The following CXorf58 variants were observed in gnomAD, a reference collection of about 807,000 sequenced individuals.
The protein encoded by CXorf58 is chromosome X open reading frame 58, also known as uncharacterized protein CXorf58.
CXorf58 carries 24 observed loss-of-function variants against 26.0 expected under a neutral mutation model. That is an observed-to-expected ratio of 0.92 (90% CI 0.67 to 1.30). The LOEUF is 1.30. CXorf58 is among the 50% of genes most tolerant of loss of function. CXorf58 has a pLI of 0.00. For missense variants in CXorf58, 236 were observed against 263.9 expected, an observed-to-expected ratio of 0.89 and a Z score of 0.73; for synonymous variants, 87 against 86.1, an observed-to-expected ratio of 1.01 and a Z score of -0.06.
chrX:23,921,953 T>C (rs779180131), intron 5 of CXorf58, among the ~76,000 whole-genome samples: 6 of 110,489 alleles, frequency 5.4e-5, no homozygotes, highest in Non-Finnish European at 1.1e-4. Flanking sequence ...TCTGCCCACT[T>C]CCGCCTCCCA....
At chrX:23,922,597 A>G (rs182758124) in intron 5 of CXorf58, among the ~76,000 whole-genome samples, 1 of 111,948 alleles carries the variant, frequency 8.9e-6, no homozygotes, top group Non-Finnish European at 1.9e-5. Context: ...CATTTTCCCT[A>G]TTAGGAAGCT....
At chrX:23,927,473 C>A in intron 6 of CXorf58, 103 bp downstream of exon 6, 1 of 339,207 alleles carries the variant, frequency 2.9e-6, no homozygotes, top group Non-Finnish European at 4.8e-6. Flanking sequence ...TAAAATATAA[C>A]ACAATATAAA....
rs1340150026 is a variant in CXorf58, at chrX:23,939,378, A to C, written c.*75A>C. 2 of 760,892 alleles carry C rather than the reference A, an allele frequency of 2.6e-6. No individual in the cohort carries two copies. Among genetic ancestry groups the C allele is most frequent in the Non-Finnish European group, 3.9e-6 (2 of 517,577 alleles). The allele number at this position is 760,892 out of a possible 1,213,427, so 62.7% of individuals were successfully genotyped here. Reference sequence around the variant, plus strand: ...AAAAGGACTCATTTTCCTGGTATCAAAACTTGGCAGCTGGTGATTCTCCAT... The same window carrying C: ...AAAAGGACTCATTTTCCTGGTATCACAACTTGGCAGCTGGTGATTCTCCAT... On this transcript the variant is annotated 3_prime_UTR_variant, in exon 9 of 9. Transcript: ENST00000379211.
Position 23,937,420 on chromosome X carries a change from TC to T in CXorf58, c.786-1126del, listed in dbSNP as rs1275392424. 2.7e-3 allele frequency among the ~76,000 whole-genome samples: 268 copies of T among 100,212 alleles called. 1 individual carries two copies. The highest frequency in any genetic ancestry group is 3.7e-3 in the Non-Finnish European group (187 of 50,878). The allele number at this position is 100,212 out of a possible 115,157, so 87.0% of individuals were successfully genotyped here. On this transcript the variant is annotated intron_variant, in intron 7 of 8. Coordinates refer to ENST00000379211, the MANE Select transcript of CXorf58 (RefSeq NM_152761.3). ...GGGCTTGCTTTTCTTTTCTTTTTTT[TC>T]TTTTCTTTTTTTTTTTTTTTGAGAC...
In CXorf58 at chrX:23,916,327, A is replaced by C; in HGVS notation, c.422A>C (p.Lys141Thr). The C allele has an allele frequency of 9.0e-7, 1 of 1,113,649 alleles. No individual in the cohort carries two copies. Among genetic ancestry groups the C allele is most frequent in the South Asian group, 1.9e-5 (1 of 53,297 alleles). The allele number at this position is 1,113,649 out of a possible 1,213,427, so 91.8% of individuals were successfully genotyped here. A position where few individuals can be genotyped will look rare whatever the true frequency, so the allele number is the denominator to read the frequency against. The change falls in exon 5 of 9, where the codon AAG (lysine) becomes ACG (threonine). Residue 141 changes from lysine (K) to threonine (T), a missense_variant and splice_region_variant. Transcript: ENST00000379211. Reference protein sequence around the residue: ...SGKNVLMPSSKAVDDACKLMG... With the variant: ...SGKNVLMPSSTAVDDACKLMG... ...AAAAATGTATTAATGCCGTCAAGTAAGGTGACGTTTCATGATGTACATTTT... is the reference window on the plus strand; with the variant it reads ...AAAAATGTATTAATGCCGTCAAGTACGGTGACGTTTCATGATGTACATTTT...
intron 7 of CXorf58, 103 bp from the exon 8 acceptor site, chrX:23,938,444 G>A (rs112320608): frequency 0.025 from 15,087 of 599,572 alleles, 1,049 homozygotes; most frequent in African/African-American, 0.24. Context: ...GCTAAGGTCT[G>A]TGATATATTT....
At chrX:23,907,951 G>A (rs984887843), upstream of CXorf58, 3 of 331,372 alleles carry the variant, frequency 9.1e-6, no homozygotes, top group Middle Eastern at 8.2e-4. Flanking sequence ...CGCCCTCCAG[G>A]AGGCTCCGCC....
At chrX:23,930,764 T>A (rs1157276410) in intron 6 of CXorf58, among the ~76,000 whole-genome samples, 2 of 111,352 alleles carry the variant, frequency 1.8e-5, no homozygotes, top group African/African-American at 6.5e-5. Context: ...TAAAGTATTT[T>A]TTTTCTTTTT....
At chrX:23,923,653 A>C (rs1439951808) in intron 5 of CXorf58, among the ~76,000 whole-genome samples, 2 of 108,293 alleles carry the variant, frequency 1.8e-5, no homozygotes, top group Non-Finnish European at 3.8e-5. Flanking sequence ...AAAAAAAAAA[A>C]AACCCTAAAT....
chrX:23,935,156 G>A (rs768593891), intron 6 of CXorf58, 40 bp from the exon 7 acceptor site: 6 of 1,074,523 alleles, frequency 5.6e-6, no homozygotes, highest in South Asian at 1.9e-5. Flanking sequence ...ATGAGCCACC[G>A]CACCTGGCCA....
At chrX:23,939,172 C>A in intron 8 of CXorf58, 72 bp from the exon 9 acceptor site, 1 of 676,470 alleles carries the variant, frequency 1.5e-6, no homozygotes, top group East Asian at 3.3e-5. Context: ...TAAATATAGT[C>A]AAACATTAAA....
chrX:23,917,100 C>G (rs1927746877), intron 5 of CXorf58, among the ~76,000 whole-genome samples: 1 of 108,996 alleles, frequency 9.2e-6, no homozygotes, highest in African/African-American at 3.3e-5. Flanking sequence ...TTTGGGAGGC[C>G]AAGGCGGGCG....
At chrX:23,924,588 G>A (rs1927956298) in intron 5 of CXorf58, among the ~76,000 whole-genome samples, 1 of 107,722 alleles carries the variant, frequency 9.3e-6, no homozygotes, top group African/African-American at 3.4e-5. Context: ...CTCCCAGAGT[G>A]CTGGGATTAC....
chrX:23,911,970 G>C, intron 3 of CXorf58, 114 bp downstream of exon 3: 1 of 422,321 alleles, frequency 2.4e-6, no homozygotes, highest in Non-Finnish European at 3.8e-6. Context: ...TTTTTTTTTT[G>C]AGAGGGAGTC....
chrX:23,930,196 CA>C (rs752970734), intron 6 of CXorf58, among the ~76,000 whole-genome samples: 7 of 36,759 alleles, frequency 1.9e-4, no homozygotes, highest in South Asian at 2.3e-3. Flanking sequence ...GACTCTGTCT[CA>C]AAAAAAAAAA....
rs772449843 is a variant in CXorf58, at chrX:23,926,908, A to C, written c.424-331A>C. ...GTGGCATGCGCCTGTAGTCCCAGCT[A>C]CTCAGGAGGCTGAGGCAGGAGAATC... On this transcript the variant is annotated intron_variant, in intron 5 of 8. Transcript: ENST00000379211. 4.5e-5 allele frequency among the ~76,000 whole-genome samples: 5 copies of C among 111,451 alleles called. No individual in the cohort carries two copies. In the East Asian group the frequency reaches 1.4e-3, roughly 31 times the overall value.
At chrX:23,936,387 A>G (rs1408251240) in intron 7 of CXorf58, among the ~76,000 whole-genome samples, 2 of 111,884 alleles carry the variant, frequency 1.8e-5, no homozygotes, top group Non-Finnish European at 3.8e-5. Context: ...AATTAGAGTG[A>G]CGTCATTCCC....
rs756871201 is a variant in CXorf58 at position 23,916,247 on chromosome X, C to T, written c.342C>T (p.Ile114=). The change falls in exon 5 of 9, where the codon ATC becomes ATT. Residue 114 remains isoleucine, a synonymous_variant. Transcript: ENST00000379211. ...RFRGETFPPF[I]VFKIFLHTDG... Reference sequence around the variant, plus strand: ...GAGGTGAAACGTTTCCACCTTTCATCGTGTTTAAAATTTTTCTTCATACTG... The same window carrying T: ...GAGGTGAAACGTTTCCACCTTTCATTGTGTTTAAAATTTTTCTTCATACTG... 3 of 1,195,487 alleles carry T rather than the reference C, an allele frequency of 2.5e-6. No individual in the cohort carries two copies. Among genetic ancestry groups the T allele is most frequent in the African/African-American group, 3.5e-5 (2 of 57,111 alleles).
At chrX:23,923,707 T>G (rs1927929457) in intron 5 of CXorf58, among the ~76,000 whole-genome samples, 1 of 110,900 alleles carries the variant, frequency 9.0e-6, no homozygotes, top group Non-Finnish European at 1.9e-5. Context: ...TCCCAGCACT[T>G]TGGGAGGCCA....
Sources: gnomAD v4.1 joint callset for allele counts (sites outside exome capture counted in the v4.1 genomes callset) on GRCh38, gnomAD v4.1.1 for gene constraint, MANE v1.5 for transcripts, NCBI Gene and HGNC (gene_info 2026-07-23, HGNC 2026-07-21) for gene names.